Variants in MMP16 observed in about 807,000 individuals in gnomAD.
MMP16 encodes matrix metalloproteinase-16.
Under a neutral mutation model 67.8 loss-of-function variants are expected in MMP16, and 12 were observed. That is an observed-to-expected ratio of 0.18 (90% CI 0.11 to 0.29). The LOEUF (loss-of-function observed/expected upper bound fraction) is 0.29, where lower values mean the gene tolerates loss of function less well. MMP16 is among the 10% of genes least tolerant of loss of function. MMP16 has a pLI of 1.00. For synonymous variants in MMP16, 249 were observed against 255.9 expected (o/e 0.97, Z 0.26); for missense variants, 475 against 765.7 (o/e 0.62, Z 4.48).
intron 1 of MMP16, among the ~76,000 whole-genome samples, chr8:88,253,964 A>G (rs763123529): frequency 6.6e-6 from 1 of 152,090 alleles, no homozygotes; most frequent in African/African-American, 2.4e-5. Flanking sequence ...TACTGGGTAT[A>G]TACCCAAAGT....
At chr8:88,274,174 AT>A (rs542386081) in intron 1 of MMP16, among the ~76,000 whole-genome samples, 37 of 151,796 alleles carry the variant, frequency 2.4e-4, no homozygotes, top group African/African-American at 6.5e-4. Flanking sequence ...CAATCACTAA[AT>A]TTTTTTTTCA....
At chr8:88,311,420 A>T (rs1005849564) in intron 1 of MMP16, among the ~76,000 whole-genome samples, 49 of 152,144 alleles carry the variant, frequency 3.2e-4, no homozygotes, top group African/African-American at 1.2e-3. Context: ...TGAGTTTACC[A>T]GAGCCTTTGT....
intron 8 of MMP16, among the ~76,000 whole-genome samples, chr8:88,053,704 G>C (rs1055829428): frequency 3.3e-5 from 5 of 152,156 alleles, no homozygotes; most frequent in African/African-American, 1.2e-4. Context: ...TTTAAATCTA[G>C]AATAAATATA....
At chr8:88,323,663 A>G (rs933073465) in intron 1 of MMP16, among the ~76,000 whole-genome samples, 1 of 152,138 alleles carries the variant, frequency 6.6e-6, no homozygotes. Flanking sequence ...AGAAATTGAT[A>G]AGGAATATGC....
At chr8:88,186,433 T>C (rs761675888) in intron 3 of MMP16, 43 bp downstream of exon 3, 27 of 1,609,248 alleles carry the variant, frequency 1.7e-5, no homozygotes, top group Non-Finnish European at 1.6e-5. Flanking sequence ...CAAATAGTAA[T>C]GAAATATGGG....
chr8:88,128,447 T>A (rs1374564789), intron 4 of MMP16, among the ~76,000 whole-genome samples: 1 of 151,842 alleles, frequency 6.6e-6, no homozygotes, highest in African/African-American at 2.4e-5. Context: ...TTAGACAGGT[T>A]TTTTTCCTGA....
chr8:88,114,359 A>G (rs1042566103), intron 6 of MMP16, among the ~76,000 whole-genome samples: 12 of 151,888 alleles, frequency 7.9e-5, no homozygotes, highest in Non-Finnish European at 1.0e-4. Context: ...AAAATTCATT[A>G]CAACTCCAAT....
At chr8:88,300,582 T>G (rs28986483) in intron 1 of MMP16, among the ~76,000 whole-genome samples, 190 of 152,364 alleles carry the variant, frequency 1.2e-3, no homozygotes, top group African/African-American at 4.5e-3. Context: ...TTCTATTTTA[T>G]TATCAGTTAT....
At chr8:88,193,217 T>C (rs368233824) in intron 2 of MMP16, among the ~76,000 whole-genome samples, 1 of 152,160 alleles carries the variant, frequency 6.6e-6, no homozygotes. Context: ...TGGAATATTA[T>C]TCAGCCATAA....
chr8:88,215,165 AAC>A (rs1027441586), intron 1 of MMP16, among the ~76,000 whole-genome samples: 3 of 152,012 alleles, frequency 2.0e-5, no homozygotes, highest in African/African-American at 7.2e-5. Flanking sequence ...CTTTACTAAA[AAC>A]ACACACAAAA....
At chr8:88,167,519 C>T (rs958610729) in intron 4 of MMP16, 150 bp downstream of exon 4, 4 of 715,876 alleles carry the variant, frequency 5.6e-6, no homozygotes, top group Admixed American at 6.4e-5. Flanking sequence ...AATTCTTATC[C>T]TAAAATGCTA....
intron 3 of MMP16, among the ~76,000 whole-genome samples, chr8:88,172,993 C>T (rs1370304040): frequency 6.6e-6 from 1 of 152,078 alleles, no homozygotes; most frequent in Non-Finnish European, 1.5e-5. Context: ...TAGATCAAAA[C>T]AATTTCATCT....
At chr8:88,317,333 G>A (rs1303536792) in intron 1 of MMP16, among the ~76,000 whole-genome samples, 1 of 152,136 alleles carries the variant, frequency 6.6e-6, no homozygotes, top group Non-Finnish European at 1.5e-5. Context: ...CCATTACCAT[G>A]ATCAGTCAGC....
rs372899370 is a variant in MMP16, at chr8:88,214,397, A to G, written c.133-17091T>C. ...TCTTAACTTTCTCAACTTATCAATC[A>G]GTCTACACACCCAACTGCTTGTGTA... On this transcript the variant is annotated intron_variant, in intron 1 of 9. Transcript: ENST00000286614. Among the ~76,000 whole-genome samples the G allele has an allele frequency of 2.6e-5, 4 of 152,288 alleles. No individual in the cohort carries two copies. In the South Asian group the frequency reaches 6.2e-4, roughly 24 times the overall value.
chr8:88,246,316 C>T (rs75605192), intron 1 of MMP16, among the ~76,000 whole-genome samples: 3,005 of 152,192 alleles, frequency 0.02, 48 homozygotes, highest in Non-Finnish European at 0.032. Context: ...ATTAAATACA[C>T]GAAATAATTT....
intron 1 of MMP16, among the ~76,000 whole-genome samples, chr8:88,205,689 C>A (rs1488185517): frequency 6.6e-6 from 1 of 152,124 alleles, no homozygotes; most frequent in Non-Finnish European, 1.5e-5. Flanking sequence ...TTTAACAGCA[C>A]TTTCTTACTA....
intron 3 of MMP16, among the ~76,000 whole-genome samples, chr8:88,185,791 C>T (rs111400372): frequency 4.2e-4 from 64 of 152,194 alleles, no homozygotes; most frequent in African/African-American, 1.5e-3. Context: ...CTCTTGCATC[C>T]TGTCCTTTCT....
At chr8:88,161,296 A>G (rs1401835670) in intron 4 of MMP16, among the ~76,000 whole-genome samples, 2 of 152,296 alleles carry the variant, frequency 1.3e-5, no homozygotes, top group East Asian at 3.9e-4. Flanking sequence ...GTGTCCAGGA[A>G]TTTATCCATT....
intron 1 of MMP16, among the ~76,000 whole-genome samples, chr8:88,306,100 G>A (rs1020438536): frequency 1.3e-5 from 2 of 151,570 alleles, no homozygotes; most frequent in South Asian, 4.2e-4. Context: ...AATGATAAGG[G>A]GGATGTCACC....
Sources: allele counts gnomAD v4.1 joint callset (sites outside exome capture counted in the v4.1 genomes callset), GRCh38; gene constraint gnomAD v4.1.1; transcripts MANE v1.5; gene names NCBI Gene and HGNC (gene_info 2026-07-23, HGNC 2026-07-21).